GRM5: variants seen among roughly 807,000 people sequenced by gnomAD.
GRM5 encodes the protein metabotropic glutamate receptor 5.
GRM5 carries 19 observed loss-of-function variants against 83.1 expected under a neutral mutation model. That is an observed-to-expected ratio of 0.23 (90% CI 0.16 to 0.34). GRM5 has a LOEUF of 0.34. GRM5 is among the 10% of genes least tolerant of loss of function. GRM5 has a pLI of 1.00. For missense variants in GRM5, 1,160 were observed against 1,588.3 expected, an observed-to-expected ratio of 0.73 and a Z score of 4.58; for synonymous variants, 675 against 633.6, an observed-to-expected ratio of 1.07 and a Z score of -0.98.
At chr11:88,519,739 G>A (rs1941626186) in intron 9 of GRM5, among the ~76,000 whole-genome samples, 1 of 152,220 alleles carries the variant, frequency 6.6e-6, no homozygotes, top group East Asian at 1.9e-4. Context: ...CATGGTGGCA[G>A]GGTAGAGAAA....
At chr11:88,706,487 T>C (rs529635408) in intron 3 of GRM5, among the ~76,000 whole-genome samples, 87 of 152,228 alleles carry the variant, frequency 5.7e-4, no homozygotes, top group Non-Finnish European at 5.7e-4. Flanking sequence ...CTCCACCACA[T>C]TGAAGAGTGA....
intron 3 of GRM5, among the ~76,000 whole-genome samples, chr11:88,844,455 C>G (rs1944263656): frequency 6.6e-6 from 1 of 151,892 alleles, no homozygotes; most frequent in African/African-American, 2.4e-5. Context: ...GCCCGGCCAG[C>G]CAGGAGGTCT....
chr11:88,882,009 A>G (rs1944961985), intron 2 of GRM5, among the ~76,000 whole-genome samples: 1 of 152,178 alleles, frequency 6.6e-6, no homozygotes, highest in South Asian at 2.1e-4. Context: ...TGGGATGCCA[A>G]GGTGGGCAGA....
At position 89,009,058 on chromosome 11, in the gene GRM5, C is replaced by CTG. The variant is rs765811383; in HGVS notation, c.661+38152_661+38153dup. ...ACCTCATAAAAGATAACATCAATGT[C>CTG]TGATCCCTCTTACGCATCTCTTCCT... On this transcript the variant is annotated intron_variant, in intron 2 of 9. Transcript: ENST00000305447. 9 of 744,812 alleles carry CTG rather than the reference C, an allele frequency of 1.2e-5. No homozygotes were observed. In the African/African-American group the frequency reaches 1.5e-4, roughly 13 times the overall value. 46.1% of individuals were successfully genotyped at this position (744,812 alleles called of 1,614,324 possible).
At chr11:88,663,532 C>G (rs188777452) in intron 3 of GRM5, among the ~76,000 whole-genome samples, 26 of 152,306 alleles carry the variant, frequency 1.7e-4, no homozygotes, top group Non-Finnish European at 1.9e-4. Flanking sequence ...AGAGAAAACA[C>G]TTTGAATGAG....
At chr11:88,977,922 C>T (rs1275396554) in intron 2 of GRM5, among the ~76,000 whole-genome samples, 10 of 152,224 alleles carry the variant, frequency 6.6e-5, no homozygotes, top group Non-Finnish European at 1.2e-4. Flanking sequence ...CCCTTGTCAA[C>T]ACATACAAAC....
chr11:88,691,205 TAAATC>T (rs1161395619), intron 3 of GRM5, among the ~76,000 whole-genome samples: 1 of 152,196 alleles, frequency 6.6e-6, no homozygotes, highest in Non-Finnish European at 1.5e-5. Flanking sequence ...AATAGAGGCT[TAAATC>T]AAACACTTTT....
intron 2 of GRM5, among the ~76,000 whole-genome samples, chr11:89,005,933 A>C (rs1306682668): frequency 6.6e-6 from 1 of 152,234 alleles, no homozygotes; most frequent in Non-Finnish European, 1.5e-5. Flanking sequence ...TAGTAGAGAA[A>C]GAATAAAACA....
intron 3 of GRM5, among the ~76,000 whole-genome samples, chr11:88,768,705 G>C (rs1328443123): frequency 6.6e-6 from 1 of 151,954 alleles, no homozygotes; most frequent in Non-Finnish European, 1.5e-5. Context: ...AGAGACAAGA[G>C]AGTGAATGGG....
At chr11:88,557,032 A>G (rs1364532548) in intron 8 of GRM5, among the ~76,000 whole-genome samples, 1 of 152,206 alleles carries the variant, frequency 6.6e-6, no homozygotes, top group Non-Finnish European at 1.5e-5. Flanking sequence ...TACATGCTTG[A>G]GAAAATAAAT....
intron 3 of GRM5, among the ~76,000 whole-genome samples, chr11:88,846,462 G>GC (rs1279472142): frequency 6.6e-6 from 1 of 152,184 alleles, no homozygotes; most frequent in Non-Finnish European, 1.5e-5. Context: ...AGACCTAGTG[G>GC]TGAGGTGTGT....
intron 2 of GRM5, among the ~76,000 whole-genome samples, chr11:88,987,251 C>A (rs1043251658): frequency 6.6e-6 from 1 of 152,070 alleles, no homozygotes; most frequent in African/African-American, 2.4e-5. Flanking sequence ...GGGTGACCCA[C>A]GGCACCTGGA....
intron 4 of GRM5, among the ~76,000 whole-genome samples, chr11:88,606,879 GAA>G (rs1332767245): frequency 6.7e-6 from 1 of 149,190 alleles, no homozygotes; most frequent in East Asian, 2.0e-4. Context: ...ATAGGTGAAA[GAA>G]AGAGCTGAGG....
chr11:88,998,940 T>C (rs1565328549), intron 2 of GRM5, among the ~76,000 whole-genome samples: 1 of 152,162 alleles, frequency 6.6e-6, no homozygotes, highest in Admixed American at 6.6e-5. Context: ...GCCGCATGTC[T>C]ACAACTATCC....
At chr11:89,061,424 C>T (rs754508786) in intron 1 of GRM5, among the ~76,000 whole-genome samples, 1 of 151,916 alleles carries the variant, frequency 6.6e-6, no homozygotes, top group African/African-American at 2.4e-5. Flanking sequence ...TAGTAAGACT[C>T]CTATAAAATA....
chr11:88,741,539 A>C (rs1942028905), intron 3 of GRM5, among the ~76,000 whole-genome samples: 1 of 152,098 alleles, frequency 6.6e-6, no homozygotes, highest in Non-Finnish European at 1.5e-5. Flanking sequence ...TCTTACATTC[A>C]TGCATTCACT....
intron 2 of GRM5, among the ~76,000 whole-genome samples, chr11:88,921,076 C>T (rs1222731332): frequency 1.8e-4 from 3 of 16,856 alleles, no homozygotes; most frequent in Non-Finnish European, 3.1e-4. Flanking sequence ...AAGACCACTG[C>T]GTTTTTTTTT....
chr11:88,579,015 C>T (rs1943172047), intron 7 of GRM5, among the ~76,000 whole-genome samples: 2 of 152,126 alleles, frequency 1.3e-5, no homozygotes, highest in South Asian at 4.1e-4. Flanking sequence ...GCCTTACTCT[C>T]CTGCTTACTG....
intron 2 of GRM5, among the ~76,000 whole-genome samples, chr11:88,883,754 C>A (rs565503956): frequency 6.6e-6 from 1 of 152,116 alleles, no homozygotes. Flanking sequence ...GACCCCAGGG[C>A]CCACTTGCTG....
Sources: allele counts gnomAD v4.1 joint callset (sites outside exome capture counted in the v4.1 genomes callset), GRCh38; gene constraint gnomAD v4.1.1; transcripts MANE v1.5; gene names NCBI Gene and HGNC (gene_info 2026-07-23, HGNC 2026-07-21).